Variants in TENM2 observed in about 807,000 individuals in gnomAD.
TENM2 encodes teneurin transmembrane protein 2.
TENM2 carries 52 observed loss-of-function variants against 245.2 expected under a neutral mutation model. The observed-to-expected ratio is 0.21, with a 90% confidence interval of 0.17 to 0.27. TENM2 has a LOEUF of 0.27. TENM2 is among the 10% of genes least tolerant of loss of function. The pLI is 1.00. For missense variants in TENM2, 3,046 were observed against 3,666.8 expected (o/e 0.83, Z 4.37); for synonymous variants, 1,363 against 1,438.9 (o/e 0.95, Z 1.19).
intron 2 of TENM2, among the ~76,000 whole-genome samples, chr5:167,801,905 GACACACAC>G (rs10643504): frequency 6.7e-6 from 1 of 149,264 alleles, no homozygotes; most frequent in Non-Finnish European, 1.5e-5. Context: ...CACACACACA[GACACACAC>G]ACACACACAC....
chr5:167,458,492 A>G (rs1435772800), intron 2 of TENM2, among the ~76,000 whole-genome samples: 2 of 113,438 alleles, frequency 1.8e-5, no homozygotes, highest in African/African-American at 6.3e-5. Flanking sequence ...GTCTCAAAAA[A>G]ACAAAAAAAA....
At chr5:168,227,516 C>CTTTT (rs56834297) in intron 24 of TENM2, among the ~76,000 whole-genome samples, 12 of 130,618 alleles carry the variant, frequency 9.2e-5, no homozygotes, top group African/African-American at 2.5e-4. Context: ...ATTTGCCTTT[C>CTTTT]TTTTTTTTTT....
chr5:167,157,172 C>T, the TENM2 span, among the ~76,000 whole-genome samples: 1 of 152,118 alleles, frequency 6.6e-6, no homozygotes, highest in African/African-American at 2.4e-5. Context: ...GTTCCTTCTA[C>T]CTTGTACAAA....
chr5:167,468,600 A>T (rs765981886), intron 2 of TENM2, among the ~76,000 whole-genome samples: 1 of 152,232 alleles, frequency 6.6e-6, no homozygotes, highest in Non-Finnish European at 1.5e-5. Flanking sequence ...AAAAATTTGC[A>T]GAGCTTAGAA....
the TENM2 span, among the ~76,000 whole-genome samples, chr5:167,155,971 G>A: frequency 6.6e-6 from 1 of 152,208 alleles, no homozygotes; most frequent in Non-Finnish European, 1.5e-5. Flanking sequence ...GAGCGTGTCT[G>A]GGTACAGCTA....
chr5:167,504,238 C>T (rs200395339), intron 2 of TENM2, among the ~76,000 whole-genome samples: 2 of 152,132 alleles, frequency 1.3e-5, no homozygotes, highest in East Asian at 3.9e-4. Context: ...TTATTTCTAA[C>T]TAAAGTGAAA....
chr5:167,320,808 C>G (rs1756665412), intron 1 of TENM2, among the ~76,000 whole-genome samples: 1 of 152,124 alleles, frequency 6.6e-6, no homozygotes, highest in Admixed American at 6.6e-5. Flanking sequence ...TATAAATTAC[C>G]CAGTCTCAGC....
intron 2 of TENM2, among the ~76,000 whole-genome samples, chr5:167,439,641 A>G (rs13183290): frequency 0.21 from 32,396 of 152,164 alleles, 3,792 homozygotes; most frequent in East Asian, 0.27. Context: ...ATTAACATGC[A>G]CGAATAATAC....
Position 167,973,692 on chromosome 5 carries a change from A to G in TENM2, c.948-19252A>G, listed in dbSNP as rs75921427. On this transcript the variant is annotated intron_variant, in intron 4 of 28. Transcript: ENST00000518659. ...AGCTGCCCCAGCAAAAGGGCATTCC[A>G]GGCAAAGGTGAGAGAATAGGAAAAG... 5.2e-3 allele frequency among the ~76,000 whole-genome samples: 787 copies of G among 152,218 alleles called. 13 individuals are homozygous for G. Among genetic ancestry groups the G allele is most frequent in the African/African-American group, 0.017 (724 of 41,556 alleles).
chr5:167,194,767 A>G, the TENM2 span, among the ~76,000 whole-genome samples: 1 of 152,028 alleles, frequency 6.6e-6, no homozygotes, highest in East Asian at 1.9e-4. Context: ...ATGCTTCATA[A>G]ATGTTAGCTC....
Position 167,522,531 on chromosome 5 carries a change from G to C in TENM2, c.502+147058G>C, listed in dbSNP as rs141592796. Among the ~76,000 whole-genome samples, 3 of 152,094 alleles carry C rather than the reference G, an allele frequency of 2.0e-5. No individual in the cohort carries two copies. The East Asian group carries it at 5.8e-4, about 29-fold the overall frequency. On this transcript the variant is annotated intron_variant, in intron 2 of 28. Transcript: ENST00000518659. ...TCCCATTTGTGAAATGAGGGCTATA[G>C]AGTATTCAATCCTTTAGGATCTTTT...
intron 13 of TENM2, among the ~76,000 whole-genome samples, chr5:168,184,662 C>A (rs1291730205): frequency 6.6e-6 from 1 of 152,222 alleles, no homozygotes; most frequent in South Asian, 2.1e-4. Flanking sequence ...CACACAGCCT[C>A]CTCCAGGCAG....
At chr5:168,198,344 C>T (rs1393380456) in intron 15 of TENM2, among the ~76,000 whole-genome samples, 26 of 151,918 alleles carry the variant, frequency 1.7e-4, no homozygotes, top group Admixed American at 1.7e-3. Context: ...TACAGGCACC[C>T]ACCACCATGC....
In TENM2 at chr5:168,219,055, T is replaced by G; in HGVS notation, c.5108+56T>G. ...GCCCTTCCCTTGCCCTAGCTGGCAT[T>G]AGGACTGGGTCGCTTGTGTAGCTTT... On this transcript the variant is annotated intron_variant, in intron 23 of 28. Coordinates refer to ENST00000518659, the Ensembl canonical transcript of TENM2. The G allele has an allele frequency of 3.3e-6, 5 of 1,527,124 alleles. No individual in the cohort carries two copies. In the Admixed American group the frequency reaches 1.0e-4, roughly 32 times the overall value. 94.6% of individuals were successfully genotyped at this position (1,527,124 alleles called of 1,614,324 possible). A position where few individuals can be genotyped will look rare whatever the true frequency, so the allele number is the denominator to read the frequency against.
At chr5:167,066,453 C>T in the TENM2 span, among the ~76,000 whole-genome samples, 1 of 151,930 alleles carries the variant, frequency 6.6e-6, no homozygotes, top group African/African-American at 2.4e-5. Flanking sequence ...CATGTGTATA[C>T]ATGTGCCATG....
At chr5:167,227,081 G>C in the TENM2 span, among the ~76,000 whole-genome samples, 8 of 101,974 alleles carry the variant, frequency 7.8e-5, no homozygotes, top group Non-Finnish European at 1.4e-4. Context: ...TACTGTGAGT[G>C]CATTTCTTGT....
chr5:168,149,644 A>G (rs1479793438), intron 12 of TENM2, among the ~76,000 whole-genome samples: 2 of 152,126 alleles, frequency 1.3e-5, no homozygotes, highest in Non-Finnish European at 2.9e-5. Flanking sequence ...AGCCTTCTAG[A>G]TTCTGTCCTG....
At chr5:167,812,961 G>A (rs1302418272) in intron 2 of TENM2, among the ~76,000 whole-genome samples, 1 of 152,120 alleles carries the variant, frequency 6.6e-6, no homozygotes, top group Admixed American at 6.5e-5. Context: ...CAGGCTACAG[G>A]GCATAAGAAA....
At chr5:167,746,713 G>GAGAGAA (rs1554109882) in intron 2 of TENM2, among the ~76,000 whole-genome samples, 4 of 150,722 alleles carry the variant, frequency 2.7e-5, no homozygotes, top group Non-Finnish European at 4.4e-5. Flanking sequence ...GAGAGAGAGA[G>GAGAGAA]AGCTGGACTC....
Sources: gnomAD v4.1 joint callset for allele counts (sites outside exome capture counted in the v4.1 genomes callset) on GRCh38, gnomAD v4.1.1 for gene constraint, MANE v1.5 for transcripts, NCBI Gene and HGNC (gene_info 2026-07-23, HGNC 2026-07-21) for gene names.